The following KAZN variants were observed in gnomAD, a reference collection of about 807,000 sequenced individuals.
KAZN encodes the protein kazrin.
In KAZN, 40 loss-of-function variants were observed where a neutral mutation model predicts 87.4. The observed-to-expected ratio is 0.46, with a 90% confidence interval of 0.36 to 0.60. KAZN has a LOEUF of 0.60. KAZN is among the 20% of genes least tolerant of loss of function. KAZN has a pLI of 0.00. For missense variants in KAZN, 898 were observed against 1,073.9 expected (o/e 0.84, Z 2.29); for synonymous variants, 466 against 458.3 (o/e 1.02, Z -0.22).
At chr1:14,465,154 C>T (rs1001322622) in intron 2 of KAZN, among the ~76,000 whole-genome samples, 2 of 151,924 alleles carry the variant, frequency 1.3e-5, no homozygotes, top group African/African-American at 4.8e-5. Flanking sequence ...AATCCCATCA[C>T]TTTGGGAGGC....
chr1:14,834,008 CATACACACACAT>C (rs1336345545), intron 1 of KAZN, among the ~76,000 whole-genome samples: 1 of 126,304 alleles, frequency 7.9e-6, no homozygotes, highest in African/African-American at 2.7e-5. Flanking sequence ...CACACACACA[CATACACACACAT>C]ACATACATAT....
At chr1:13,962,545 CCTTAT>C (rs1274782854) in intron 1 of KAZN, among the ~76,000 whole-genome samples, 1 of 152,080 alleles carries the variant, frequency 6.6e-6, no homozygotes, top group African/African-American at 2.4e-5. Context: ...GGGTGATAGG[CCTTAT>C]GCTACCCATT....
chr1:14,644,518 C>T (rs986788770), intron 1 of KAZN, among the ~76,000 whole-genome samples: 1 of 151,902 alleles, frequency 6.6e-6, no homozygotes, highest in Non-Finnish European at 1.5e-5. Flanking sequence ...CCTGCCACCA[C>T]ACCCAGCTAA....
intron 1 of KAZN, among the ~76,000 whole-genome samples, chr1:14,020,052 G>GT (rs1481989234): frequency 2.6e-5 from 4 of 151,844 alleles, no homozygotes; most frequent in African/African-American, 9.7e-5. Context: ...ATGGGAGACA[G>GT]TGACAGATCA....
intron 2 of KAZN, among the ~76,000 whole-genome samples, chr1:14,513,651 A>G (rs1221958808): frequency 6.6e-6 from 1 of 152,152 alleles, no homozygotes; most frequent in Non-Finnish European, 1.5e-5. Flanking sequence ...AATGCCGGAT[A>G]TTTTATACAG....
intron 1 of KAZN, among the ~76,000 whole-genome samples, chr1:14,104,757 A>G (rs1475081797): frequency 6.6e-6 from 1 of 152,078 alleles, no homozygotes; most frequent in East Asian, 1.9e-4. Context: ...AGAGCAGGCG[A>G]TTGATTTCTT....
intron 3 of KAZN, among the ~76,000 whole-genome samples, chr1:15,042,409 T>C (rs10927654): frequency 0.22 from 33,320 of 151,870 alleles, 3,863 homozygotes; most frequent in Non-Finnish European, 0.26. Context: ...GAAAACAGGT[T>C]AGAGAGGGCC....
rs1639216644 is a variant in KAZN at position 15,066,270 on chromosome 1, C to T, written c.1222+517C>T. On this transcript the variant is annotated intron_variant, in intron 8 of 14. Transcript: ENST00000376030. The surrounding 1 kb of genome is among the most constrained non-coding windows in gnomAD (Gnocchi z 4.3). ...GTGCACTCTGTGCTTGTAAATGTCC[C>T]TCGTCCAAACCGCTACTCCTGGAGC... 1 of 985,704 alleles carries T rather than the reference C, an allele frequency of 1.0e-6. No homozygotes were observed. The highest frequency in any genetic ancestry group is 5.2e-4 in the Middle Eastern group (1 of 1,914). The allele number at this position is 985,704 out of a possible 1,614,324, so 61.1% of individuals were successfully genotyped here. A position where few individuals can be genotyped will look rare whatever the true frequency, so the allele number is the denominator to read the frequency against.
upstream of KAZN, among the ~76,000 whole-genome samples, chr1:14,598,413 G>T (rs1676651702): frequency 6.6e-6 from 1 of 152,110 alleles, no homozygotes. The surrounding 1 kb of genome is among the most constrained non-coding windows in gnomAD (Gnocchi z 4.2). Context: ...ACGGCTCGGG[G>T]CACCAGTTCT....
chr1:14,945,742 C>T (rs1260929435), intron 1 of KAZN, among the ~76,000 whole-genome samples: 3 of 152,190 alleles, frequency 2.0e-5, no homozygotes, highest in Non-Finnish European at 4.4e-5. Flanking sequence ...GGAGAGTAAT[C>T]GGGAGTGAGT....
chr1:14,348,496 G>A (rs1243100043), intron 2 of KAZN, among the ~76,000 whole-genome samples: 2 of 152,182 alleles, frequency 1.3e-5, no homozygotes, highest in Non-Finnish European at 2.9e-5. Flanking sequence ...TCCATGTGGT[G>A]GATTCTCCAA....
rs1393587849 is a variant in KAZN at position 14,856,129 on chromosome 1, C to G, written c.227-104555C>G. Reference sequence around the variant, plus strand: ...GTTACGTAGTAGTTATTGCAAGGGTCTGTGCTATAAAATCAGACTCTGAGG... The same window carrying G: ...GTTACGTAGTAGTTATTGCAAGGGTGTGTGCTATAAAATCAGACTCTGAGG... On this transcript the variant is annotated intron_variant, in intron 1 of 14. Transcript: ENST00000376030. The surrounding 1 kb of genome is among the most constrained non-coding windows in gnomAD (Gnocchi z 5.2). Among the ~76,000 whole-genome samples, 1 of 152,066 alleles carries G rather than the reference C, an allele frequency of 6.6e-6. No individual in the cohort carries two copies. Among genetic ancestry groups the G allele is most frequent in the South Asian group, 2.1e-4 (1 of 4,830 alleles).
intron 1 of KAZN, among the ~76,000 whole-genome samples, chr1:14,163,390 G>A (rs913622495): frequency 3.3e-5 from 5 of 152,064 alleles, no homozygotes; most frequent in African/African-American, 1.2e-4. Context: ...TTCCTGGGGT[G>A]AGCTGTCCAC....
intron 2 of KAZN, among the ~76,000 whole-genome samples, chr1:14,198,352 C>A (rs1646571275): frequency 6.6e-6 from 1 of 152,170 alleles, no homozygotes; most frequent in Non-Finnish European, 1.5e-5. Context: ...GTAATCCCAG[C>A]ACTTTGGGAG....
At chr1:14,152,371 C>T (rs1645495801) in intron 1 of KAZN, among the ~76,000 whole-genome samples, 1 of 152,194 alleles carries the variant, frequency 6.6e-6, no homozygotes, top group African/African-American at 2.4e-5. Flanking sequence ...CATCCTTCTA[C>T]TCTTTACCTC....
At chr1:15,035,466 G>A (rs1378206179) in intron 3 of KAZN, among the ~76,000 whole-genome samples, 2 of 152,132 alleles carry the variant, frequency 1.3e-5, no homozygotes, top group African/African-American at 2.4e-5. Context: ...GAGTTTATGG[G>A]CCAGACAACT....
chr1:15,082,838 G>A (rs1399483527), intron 8 of KAZN, among the ~76,000 whole-genome samples: 1 of 152,196 alleles, frequency 6.6e-6, no homozygotes, highest in Non-Finnish European at 1.5e-5. Flanking sequence ...GATTACAGGT[G>A]CGTGCCACCA....
intron 1 of KAZN, chr1:14,929,961 A>G: frequency 4.1e-6 from 4 of 985,472 alleles, no homozygotes; most frequent in Non-Finnish European, 4.8e-6. Context: ...AATTCCCCAG[A>G]GCCCTCATCA....
At chr1:14,035,246 G>A (rs1641503443) in intron 1 of KAZN, among the ~76,000 whole-genome samples, 1 of 152,080 alleles carries the variant, frequency 6.6e-6, no homozygotes, top group Non-Finnish European at 1.5e-5. Context: ...CGTTGTGATT[G>A]ACAAAAAATT....
Sources: allele counts gnomAD v4.1 joint callset (sites outside exome capture counted in the v4.1 genomes callset), GRCh38; gene constraint gnomAD v4.1.1; non-coding constraint Gnocchi (gnomAD v3.1); transcripts MANE v1.5; gene names NCBI Gene and HGNC (gene_info 2026-07-23, HGNC 2026-07-21).